The following HEPH variants were observed in gnomAD, a reference collection of about 807,000 sequenced individuals.
HEPH encodes the protein hephaestin.
In HEPH, 69 loss-of-function variants were observed where a neutral mutation model predicts 80.8. That is an observed-to-expected ratio of 0.85 (90% CI 0.70 to 1.04). The LOEUF (loss-of-function observed/expected upper bound fraction) is 1.04, where lower values mean the gene tolerates loss of function less well. HEPH is among the 50% of genes least tolerant of loss of function. The pLI is 0.00. For synonymous variants in HEPH, 431 were observed against 322.8 expected (o/e 1.34, Z -3.60); for missense variants, 1,115 against 891.3 (o/e 1.25, Z -3.20).
chrX:66,188,207 G>C (rs759263178), intron 4 of HEPH, 152 bp from the exon 5 acceptor site: 1 of 451,815 alleles, frequency 2.2e-6, no homozygotes, highest in Non-Finnish European at 3.7e-6. Context: ...GTTTGGAAAT[G>C]GAAATTAATC....
chrX:66,202,264 C>T (rs1317761759), intron 12 of HEPH, among the ~76,000 whole-genome samples: 4 of 111,103 alleles, frequency 3.6e-5, no homozygotes, highest in Admixed American at 1.9e-4. Context: ...GAGAAACAGT[C>T]AGAGTTCCAT....
rs1444374027 is a variant in HEPH at position 66,173,794 on chromosome X, T to C, written c.618T>C (p.Cys206=). Residue 206 remains cysteine (C), a synonymous_variant, in exon 4 of 21, where the codon TGT becomes TGC. Coordinates refer to ENST00000343002, the MANE Select transcript of HEPH (RefSeq NM_001367233.3). ...ATGLIGPLIT[C]KRGALDGNSP... The stretch of plus-strand genomic sequence containing the variant: ...GCCTAATTGGGCCTCTCATCACCTG[T>C]AAAAGAGGTACAGGTCCCAAGGATA... 8.5e-7 allele frequency: 1 copy of C among 1,175,634 alleles called. No individual in the cohort carries two copies. Among genetic ancestry groups the C allele is most frequent in the East Asian group, 3.1e-5 (1 of 32,409 alleles).
At chrX:66,163,519 C>T (rs759160053), upstream of HEPH, among the ~76,000 whole-genome samples, 1 of 111,082 alleles carries the variant, frequency 9.0e-6, no homozygotes, top group Non-Finnish European at 1.9e-5. Context: ...CTAGAATCTG[C>T]TAGAAATGAC....
At chrX:66,204,124 TGAA>T (rs2088632636) in intron 13 of HEPH, among the ~76,000 whole-genome samples, 1 of 111,935 alleles carries the variant, frequency 8.9e-6, no homozygotes, top group South Asian at 3.7e-4. Flanking sequence ...CCGGCTATCA[TGAA>T]GAAAGAAAGA....
chrX:66,186,540 A>G (rs908224065), intron 4 of HEPH, among the ~76,000 whole-genome samples: 18 of 112,826 alleles, frequency 1.6e-4, no homozygotes, highest in Non-Finnish European at 3.2e-4. Context: ...CGGTGAGGCA[A>G]TGCCTTGCCC....
intron 15 of HEPH, among the ~76,000 whole-genome samples, chrX:66,211,336 G>T (rs957552166): frequency 9.0e-6 from 1 of 111,589 alleles, no homozygotes; most frequent in African/African-American, 3.2e-5. Flanking sequence ...TATGTATAGT[G>T]ATCAAGTCAG....
chrX:66,243,926 G>T (rs1216216133), intron 15 of HEPH, among the ~76,000 whole-genome samples: 1 of 111,532 alleles, frequency 9.0e-6, no homozygotes, highest in Non-Finnish European at 1.9e-5. Flanking sequence ...TCTCCTTCTT[G>T]TATAAAGCTT....
chrX:66,259,036 C>A, intron 18 of HEPH, 57 bp downstream of exon 18: 4 of 1,111,782 alleles, frequency 3.6e-6, no homozygotes, highest in Admixed American at 3.0e-5. Context: ...GGTTTAACAG[C>A]AATTGAGAAA....
Position 66,200,626 on chromosome X carries a change from A to G in HEPH, c.1951A>G (p.Thr651Ala). 1 of 1,211,110 alleles carries G rather than the reference A, an allele frequency of 8.3e-7. No individual in the cohort carries two copies. The highest frequency in any genetic ancestry group is 1.1e-6 in the Non-Finnish European group (1 of 895,074). Residue 651 changes from threonine to alanine, a missense_variant, in exon 12 of 21, where the codon ACA (threonine) becomes GCA (alanine). By Grantham distance (58) the Thr-to-Ala change is moderately conservative. This residue lies in a region of HEPH where 716 missense variants were observed against 523.5 expected (regional missense o/e 1.37). Transcript: ENST00000343002. ...TVAWHLLGLG[T>A]ETDVHGVMFQ... ...GGCCTGGCACCTGCTCGGCCTGGGC[A>G]CAGAGACTGATGTGCATGGAGTCAT...
chrX:66,175,055 C>T (rs1209705905), intron 4 of HEPH, among the ~76,000 whole-genome samples: 1 of 111,424 alleles, frequency 9.0e-6, no homozygotes, highest in Non-Finnish European at 1.9e-5. Context: ...ATTGCATTTG[C>T]CTTTGGGTTC....
chrX:66,169,530 G>T (rs1157853475), intron 1 of HEPH, among the ~76,000 whole-genome samples: 1 of 111,897 alleles, frequency 8.9e-6, no homozygotes, highest in Non-Finnish European at 1.9e-5. Context: ...TCTTGGGTCT[G>T]ATTCTGACTC....
At chrX:66,258,122 T>C (rs144775915) in intron 17 of HEPH, among the ~76,000 whole-genome samples, 127 of 112,096 alleles carry the variant, frequency 1.1e-3, no homozygotes, top group African/African-American at 4.1e-3. Context: ...GCTATAGTAA[T>C]GCAGTGTATA....
At chrX:66,227,920 A>G (rs1055979202) in intron 15 of HEPH, among the ~76,000 whole-genome samples, 1 of 110,797 alleles carries the variant, frequency 9.0e-6, no homozygotes, top group Non-Finnish European at 1.9e-5. Context: ...TTTTTTTTCT[A>G]GTTCTATGAA....
chrX:66,209,953 A>G (rs1302260466), intron 15 of HEPH, among the ~76,000 whole-genome samples: 1 of 111,679 alleles, frequency 9.0e-6, no homozygotes, highest in Non-Finnish European at 1.9e-5. Flanking sequence ...GGAGGAAAGT[A>G]TGCTCTGAAG....
chrX:66,189,265 A>G (rs758923289), intron 5 of HEPH, among the ~76,000 whole-genome samples: 13 of 112,513 alleles, frequency 1.2e-4, no homozygotes, highest in African/African-American at 3.6e-4. Context: ...ATACCAATTG[A>G]TTATAAAAGC....
At chrX:66,260,761 CT>C (rs908986423) in intron 19 of HEPH, among the ~76,000 whole-genome samples, 1 of 107,210 alleles carries the variant, frequency 9.3e-6, no homozygotes, top group Non-Finnish European at 1.9e-5. Context: ...GCAATTCTTT[CT>C]TTTTTTCTTT....
At chrX:66,195,795 G>C (rs1012982526) in intron 9 of HEPH, among the ~76,000 whole-genome samples, 1 of 111,750 alleles carries the variant, frequency 8.9e-6, no homozygotes, top group Non-Finnish European at 1.9e-5. Context: ...AGGTTGCAAT[G>C]AATGAATGCA....
intron 15 of HEPH, among the ~76,000 whole-genome samples, chrX:66,230,028 T>C (rs1330244865): frequency 9.9e-6 from 1 of 101,274 alleles, no homozygotes; most frequent in Non-Finnish European, 2.0e-5. Flanking sequence ...ATGTGGTGTT[T>C]GGTTTTTTGT....
chrX:66,216,171 A>C (rs1439777953), intron 15 of HEPH, among the ~76,000 whole-genome samples: 1 of 111,363 alleles, frequency 9.0e-6, no homozygotes, highest in Non-Finnish European at 1.9e-5. Context: ...CAACCTGACA[A>C]AACTGAACAC....
Sources: allele counts gnomAD v4.1 joint callset (sites outside exome capture counted in the v4.1 genomes callset), GRCh38; gene constraint gnomAD v4.1.1; regional missense constraint gnomAD v4.1.1; transcripts MANE v1.5; gene names NCBI Gene and HGNC (gene_info 2026-07-23, HGNC 2026-07-21).